Variants in AKNAD1 observed in about 807,000 individuals in gnomAD.
AKNAD1 encodes the protein protein AKNAD1.
AKNAD1 carries 67 observed loss-of-function variants against 90.8 expected under a neutral mutation model. The ratio of observed to expected loss-of-function variants is 0.74; its 90% CI spans 0.61 to 0.90. The LOEUF (loss-of-function observed/expected upper bound fraction) is 0.90. Ranked by LOEUF, AKNAD1 falls within the 40% of genes least tolerant of loss-of-function variation. The probability of loss-of-function intolerance (pLI) is 0.00; values close to 1 mark genes in which losing one functional copy is unlikely to be tolerated. For missense variants in AKNAD1, 957 were observed against 975.4 expected (o/e 0.98, Z 0.25); for synonymous variants, 327 against 341.4 (o/e 0.96, Z 0.46).
chr1:108,835,147 A>G (rs1664342909), intron 7 of AKNAD1, 91 bp from the exon 8 acceptor site: 1 of 1,441,460 alleles, frequency 6.9e-7, no homozygotes, highest in Non-Finnish European at 9.2e-7. Context: ...AGCACCCCTA[A>G]GGCACCATAA....
At chr1:108,837,148 A>G in intron 7 of AKNAD1, 1 of 155,622 alleles carries the variant, frequency 6.4e-6, no homozygotes, top group Non-Finnish European at 1.4e-5. Context: ...GAGGAGAATC[A>G]CTTGAGCCCG....
At position 108,827,292 on chromosome 1, in the gene AKNAD1, C is replaced by A. The variant is rs779270486; in HGVS notation, c.1849G>T (p.Val617Leu). The change falls in exon 11 of 16, where the codon GTG becomes TTG. Residue 617 changes from valine to leucine, a missense_variant. Val to Leu is a conservative substitution (Grantham distance 32). Transcript: ENST00000370001. ...CRRLLEWKQNVEKKGHGRINC... is the reference protein window; with the variant it reads ...CRRLLEWKQNLEKKGHGRINC... The stretch of plus-strand genomic sequence containing the variant: ...ATCCTTCCGTGGCCCTTTTTCTCCA[C>A]GTTTTGCTTCCTAAAAAAAGGTGCA... The A allele has an allele frequency of 2.5e-6, 4 of 1,609,584 alleles. No homozygotes were observed. The East Asian group carries it at 9.1e-5, about 37-fold the overall frequency.
At chr1:108,828,570 G>C (rs1457738921) in intron 10 of AKNAD1, among the ~76,000 whole-genome samples, 1 of 151,866 alleles carries the variant, frequency 6.6e-6, no homozygotes, top group Non-Finnish European at 1.5e-5. Flanking sequence ...CCAAGGCATT[G>C]CTGGGCAAAC....
intron 5 of AKNAD1, among the ~76,000 whole-genome samples, chr1:108,845,335 T>C (rs1664673235): frequency 6.6e-6 from 1 of 152,146 alleles, no homozygotes; most frequent in Non-Finnish European, 1.5e-5. Flanking sequence ...AGAGAGGAGT[T>C]GGAGGATGAG....
rs1664779049 is a variant in AKNAD1, at chr1:108,849,008, G to A, written c.1086C>T (p.Gly362=). The A allele has an allele frequency of 1.2e-6, 2 of 1,610,652 alleles. No homozygotes were observed. Among genetic ancestry groups the A allele is most frequent in the Non-Finnish European group, 1.7e-6 (2 of 1,179,148 alleles). ...LSKLSPTSQK[G]TSSSSSYIFQ... is the part of the protein sequence containing the mutation. ...ATATGTAAGAAGAACTTGAGGAAGT[G>A]CCTTTCTGAGAGGTTGGTGACAACT... Residue 362 remains glycine, a synonymous_variant, in exon 4 of 16, where the codon GGC becomes GGT. Coordinates refer to ENST00000370001, the MANE Select transcript of AKNAD1 (RefSeq NM_152763.5).
In AKNAD1 at chr1:108,851,689, G is replaced by A. The variant is rs1664867753; in HGVS notation, c.976C>T (p.Pro326Ser). 1 of 1,595,626 alleles carries A rather than the reference G, an allele frequency of 6.3e-7. No individual in the cohort carries two copies. Among genetic ancestry groups the A allele is most frequent in the Non-Finnish European group, 8.5e-7 (1 of 1,173,536 alleles). The change falls in exon 2 of 16, where the codon CCT (proline) becomes TCT (serine). Residue 326 changes from proline to serine, a missense_variant. Physicochemically the swap from Pro to Ser is moderately conservative, Grantham distance 74. Coordinates refer to ENST00000370001, the MANE Select transcript of AKNAD1 (RefSeq NM_152763.5). Reference sequence around the variant, plus strand: ...TCATTTACCTGGATTTGTTGTGAAGGTTCAGTGATTTTCCCTTTCTGCTCT... The same window carrying A: ...TCATTTACCTGGATTTGTTGTGAAGATTCAGTGATTTTCCCTTTCTGCTCT... ...HQEQKGKITE[P>S]SQQIQMEPIV...
At chr1:108,837,310 G>T (rs1027927278) in intron 7 of AKNAD1, 2 of 413,398 alleles carry the variant, frequency 4.8e-6, no homozygotes, top group Non-Finnish European at 4.2e-6. Context: ...TGGTTTAATG[G>T]ATTTAAACAG....
chr1:108,820,399 G>A (rs765389577), intron 14 of AKNAD1, 146 bp downstream of exon 14: 8 of 551,506 alleles, frequency 1.5e-5, no homozygotes, highest in Non-Finnish European at 2.2e-5. Flanking sequence ...AATGATTGAA[G>A]GATTAGATAG....
At chr1:108,842,082 G>C (rs755418356) in intron 6 of AKNAD1, among the ~76,000 whole-genome samples, 5 of 152,014 alleles carry the variant, frequency 3.3e-5, no homozygotes, top group African/African-American at 1.2e-4. Context: ...AGCATGCAGA[G>C]TTCTTTCTTC....
At chr1:108,839,463 C>T (rs1415986362) in intron 6 of AKNAD1, among the ~76,000 whole-genome samples, 1 of 35,608 alleles carries the variant, frequency 2.8e-5, no homozygotes, top group African/African-American at 1.3e-4. Context: ...AGCGAGACTC[C>T]GTCTCAATAA....
chr1:108,825,566 A>G (rs905386601), intron 11 of AKNAD1, among the ~76,000 whole-genome samples: 8 of 151,706 alleles, frequency 5.3e-5, no homozygotes, highest in Non-Finnish European at 1.0e-4. Flanking sequence ...AATCTACCAT[A>G]AAATGATAAT....
At chr1:108,834,001 TA>T (rs1428458320) in intron 9 of AKNAD1, among the ~76,000 whole-genome samples, 1 of 152,126 alleles carries the variant, frequency 6.6e-6, no homozygotes, top group Non-Finnish European at 1.5e-5. Context: ...TAATATCATT[TA>T]AGACCCCGGG....
chr1:108,816,835 A>C, intron 15 of AKNAD1: 2 of 486,944 alleles, frequency 4.1e-6, no homozygotes, highest in Non-Finnish European at 3.5e-6. Context: ...CACTTTCTCC[A>C]GGAAATTTCC....
At chr1:108,838,922 G>A (rs937292258) in intron 6 of AKNAD1, among the ~76,000 whole-genome samples, 3 of 152,106 alleles carry the variant, frequency 2.0e-5, no homozygotes, top group African/African-American at 4.8e-5. Context: ...AAGGCATGAA[G>A]AGTGGGATAA....
intron 7 of AKNAD1, among the ~76,000 whole-genome samples, chr1:108,835,692 T>A (rs1664359525): frequency 6.6e-6 from 1 of 151,792 alleles, no homozygotes; most frequent in Non-Finnish European, 1.5e-5. Context: ...TGGCGCAATC[T>A]CGGCTCACTG....
At chr1:108,828,736 G>C (rs1361784521) in intron 10 of AKNAD1, among the ~76,000 whole-genome samples, 8 of 151,896 alleles carry the variant, frequency 5.3e-5, no homozygotes, top group South Asian at 4.2e-4. Flanking sequence ...CTCATTTTCT[G>C]TCTCCACCCT....
chr1:108,853,219 C>T (rs1664924183), intron 1 of AKNAD1, among the ~76,000 whole-genome samples: 1 of 149,416 alleles, frequency 6.7e-6, no homozygotes, highest in East Asian at 1.9e-4. Context: ...GCAAGCTCCA[C>T]CTCCCAGGTT....
chr1:108,829,076 C>G (rs894525118), intron 10 of AKNAD1, among the ~76,000 whole-genome samples: 3 of 151,760 alleles, frequency 2.0e-5, no homozygotes, highest in Admixed American at 6.6e-5. Flanking sequence ...TCATAAAGGA[C>G]AAGTCCCATC....
chr1:108,834,627 T>C (rs1664322290), intron 8 of AKNAD1, 99 bp from the exon 9 acceptor site: 3 of 1,258,166 alleles, frequency 2.4e-6, no homozygotes, highest in Admixed American at 2.2e-5. Flanking sequence ...ACCCCTGGGA[T>C]GGTGGGAGCG....
Sources: gnomAD v4.1 joint callset for allele counts (sites outside exome capture counted in the v4.1 genomes callset) on GRCh38, gnomAD v4.1.1 for gene constraint, MANE v1.5 for transcripts, NCBI Gene and HGNC (gene_info 2026-07-23, HGNC 2026-07-21) for gene names.